The following ROBO1 variants were observed in gnomAD, a reference collection of about 807,000 sequenced individuals.
ROBO1 encodes the protein roundabout homolog 1.
ROBO1 carries 149 observed loss-of-function variants against 195.9 expected under a neutral mutation model. The ratio of observed to expected loss-of-function variants is 0.76; its 90% CI spans 0.67 to 0.87. The LOEUF (loss-of-function observed/expected upper bound fraction) is 0.87. Ranked by LOEUF, ROBO1 falls within the 40% of genes least tolerant of loss-of-function variation. ROBO1 has a pLI of 0.00. For synonymous variants in ROBO1, 816 were observed against 733.2 expected, an observed-to-expected ratio of 1.11 and a Z score of -1.82; for missense variants, 1,933 against 2,068.3, an observed-to-expected ratio of 0.93 and a Z score of 1.27.
At chr3:79,081,601 C>T (rs1479121784) in intron 3 of ROBO1, among the ~76,000 whole-genome samples, 1 of 152,174 alleles carries the variant, frequency 6.6e-6, no homozygotes, top group Non-Finnish European at 1.5e-5. Flanking sequence ...ATGCTGGTAA[C>T]AACTTTCTTT....
In ROBO1 at chr3:78,714,495, T is replaced by C. The variant is rs1232365169; in HGVS notation, c.947A>G (p.Lys316Arg). Residue 316 changes from lysine (K) to arginine (R), a missense_variant, in exon 8 of 31, where the codon AAA (lysine) becomes AGA (arginine). By Grantham distance (26) the Lys-to-Arg change is conservative. This residue lies in a region of ROBO1 where 1,737 missense variants were observed against 1,882.5 expected (regional missense o/e 0.92). Coordinates refer to ENST00000464233, the MANE Select transcript of ROBO1 (RefSeq NM_002941.4). ...GTCACCAGCTGTCACCTTCCTAATT[T>C]TCAAGGTATGATCATCTCGGATTTC... is the stretch of plus-strand genomic sequence containing the variant. ...RYEIRDDHTL[K>R]IRKVTAGDMG... 6.2e-7 allele frequency: 1 copy of C among 1,612,194 alleles called. No individual in the cohort carries two copies.
intron 4 of ROBO1, among the ~76,000 whole-genome samples, chr3:78,757,177 C>T (rs1212100218): frequency 6.6e-6 from 1 of 152,176 alleles, no homozygotes; most frequent in Non-Finnish European, 1.5e-5. Flanking sequence ...AAGGTGTGAG[C>T]CACTGCGTGT....
chr3:79,159,296 G>T (rs2080913279), intron 2 of ROBO1, among the ~76,000 whole-genome samples: 1 of 151,902 alleles, frequency 6.6e-6, no homozygotes, highest in Non-Finnish European at 1.5e-5. Flanking sequence ...TATTTCCAAA[G>T]GGTAAATTAT....
chr3:79,108,991 G>A (rs988150616), intron 3 of ROBO1, among the ~76,000 whole-genome samples: 1 of 151,746 alleles, frequency 6.6e-6, no homozygotes, highest in Admixed American at 6.6e-5. Context: ...TTAAGGTTAA[G>A]GTATATCACA....
intron 1 of ROBO1, among the ~76,000 whole-genome samples, chr3:79,649,105 G>A (rs1945922463): frequency 6.6e-6 from 1 of 151,990 alleles, no homozygotes; most frequent in Admixed American, 6.6e-5. Context: ...AATCTATTAT[G>A]TTAGGATCTC....
At chr3:79,380,689 G>A (rs1345198803) in intron 2 of ROBO1, among the ~76,000 whole-genome samples, 1 of 151,994 alleles carries the variant, frequency 6.6e-6, no homozygotes, top group East Asian at 1.9e-4. Context: ...CCTATGTTGT[G>A]TCCTATCCAA....
intron 1 of ROBO1, among the ~76,000 whole-genome samples, chr3:79,759,024 T>C (rs975728701): frequency 6.6e-6 from 1 of 152,204 alleles, no homozygotes; most frequent in Non-Finnish European, 1.5e-5. Flanking sequence ...AATTTATGCA[T>C]CTGTCATTGG....
chr3:79,460,751 CT>C (rs1312106289), intron 2 of ROBO1, among the ~76,000 whole-genome samples: 1 of 151,770 alleles, frequency 6.6e-6, no homozygotes, highest in Non-Finnish European at 1.5e-5. Flanking sequence ...TTCTTTTTTC[CT>C]TTTTTTCTTT....
intron 1 of ROBO1, among the ~76,000 whole-genome samples, chr3:79,630,924 T>G (rs780989378): frequency 6.6e-6 from 1 of 151,768 alleles, no homozygotes; most frequent in Non-Finnish European, 1.5e-5. Flanking sequence ...ACAACCCAGA[T>G]GAGAGATCTC....
intron 3 of ROBO1, among the ~76,000 whole-genome samples, chr3:79,009,201 G>A (rs1271978021): frequency 2.9e-5 from 4 of 139,546 alleles, no homozygotes; most frequent in East Asian, 2.2e-4. Context: ...TGATCCACCC[G>A]CCTCAGCCTC....
Position 78,634,016 on chromosome 3 carries a change from G to C in ROBO1, c.3400C>G (p.Pro1134Ala). 1.2e-6 allele frequency: 2 copies of C among 1,610,866 alleles called. No homozygotes were observed. The highest frequency in any genetic ancestry group is 2.2e-5 in the South Asian group (2 of 90,844). The change falls in exon 24 of 31, where the codon CCA (proline) becomes GCA (alanine). Residue 1134 changes from proline to alanine, a missense_variant. Physicochemically the swap from Pro to Ala is conservative, Grantham distance 27. Coordinates refer to ENST00000464233, the MANE Select transcript of ROBO1 (RefSeq NM_002941.4). The part of the protein sequence containing the change: ...KDYRANDTVP[P>A]TIPYNQSYDQ... ...TATGATTGGTTGTATGGGATAGTTGGAGGAACTGTGTCATTTGCTCGATAA... is the reference window on the plus strand; with the variant it reads ...TATGATTGGTTGTATGGGATAGTTGCAGGAACTGTGTCATTTGCTCGATAA...
At chr3:79,086,046 T>C (rs2079362862) in intron 3 of ROBO1, among the ~76,000 whole-genome samples, 1 of 151,816 alleles carries the variant, frequency 6.6e-6, no homozygotes, top group South Asian at 2.1e-4. Flanking sequence ...ACATTGAAAG[T>C]AAAAAGATCA....
intron 3 of ROBO1, among the ~76,000 whole-genome samples, chr3:78,995,128 A>C (rs1027424601): frequency 1.3e-5 from 2 of 152,164 alleles, no homozygotes; most frequent in African/African-American, 4.8e-5. Flanking sequence ...TCCATCTGTA[A>C]CTGAACAAAG....
chr3:78,899,135 T>C (rs1262895710), intron 4 of ROBO1, among the ~76,000 whole-genome samples: 1 of 152,226 alleles, frequency 6.6e-6, no homozygotes, highest in Non-Finnish European at 1.5e-5. Flanking sequence ...AATGGTATTT[T>C]TGGATCTATA....
intron 4 of ROBO1, among the ~76,000 whole-genome samples, chr3:78,797,074 T>C (rs1357113901): frequency 6.6e-6 from 1 of 152,172 alleles, no homozygotes; most frequent in African/African-American, 2.4e-5. Context: ...TATCTCTTCC[T>C]CTTGAAGATT....
chr3:79,325,124 A>G (rs1325910976), intron 2 of ROBO1, among the ~76,000 whole-genome samples: 1 of 152,236 alleles, frequency 6.6e-6, no homozygotes, highest in Non-Finnish European at 1.5e-5. Context: ...ATAAACACTG[A>G]ATCATAGTTA....
At position 78,751,656 on chromosome 3, in the gene ROBO1, C is replaced by T. The variant is rs538697697; in HGVS notation, c.500-4756G>A. The stretch of plus-strand genomic sequence containing the variant: ...AGTGAGAAATTTCCCTCCTGACAAT[C>T]ATATGGCTATCTTTGAATATATTCT... On this transcript the variant is annotated intron_variant, in intron 4 of 30. Coordinates refer to ENST00000464233, the MANE Select transcript of ROBO1 (RefSeq NM_002941.4). 2.6e-5 allele frequency among the ~76,000 whole-genome samples: 4 copies of T among 152,248 alleles called. No homozygotes were observed. In the East Asian group the frequency reaches 7.7e-4, roughly 29 times the overall value.
rs182927525 is a variant in ROBO1 at position 79,329,964 on chromosome 3, C to T, written c.89-204425G>A. On this transcript the variant is annotated intron_variant, in intron 2 of 30. Coordinates refer to ENST00000464233, the MANE Select transcript of ROBO1 (RefSeq NM_002941.4). ...GACCAGTAAACTCCAGATATTTTTA[C>T]TGGAACTCGCAGATGGTAAAAACAA... 9.2e-5 allele frequency among the ~76,000 whole-genome samples: 14 copies of T among 152,116 alleles called. No individual in the cohort carries two copies. The East Asian group carries it at 9.7e-4, about 10-fold the overall frequency.
At chr3:78,968,976 T>G (rs1209854604) in intron 3 of ROBO1, among the ~76,000 whole-genome samples, 1 of 152,192 alleles carries the variant, frequency 6.6e-6, no homozygotes, top group South Asian at 2.1e-4. Context: ...AATAGTTAAG[T>G]ACTTTGTCTG....
Sources: allele counts gnomAD v4.1 joint callset (sites outside exome capture counted in the v4.1 genomes callset), GRCh38; gene constraint gnomAD v4.1.1; regional missense constraint gnomAD v4.1.1; transcripts MANE v1.5; gene names NCBI Gene and HGNC (gene_info 2026-07-23, HGNC 2026-07-21).